Variants in KCNQ5 observed in about 807,000 individuals in gnomAD.
KCNQ5 encodes potassium voltage-gated channel subfamily KQT member 5.
In KCNQ5, 30 loss-of-function variants were observed where a neutral mutation model predicts 98.2. The ratio of observed to expected loss-of-function variants is 0.31; its 90% CI spans 0.23 to 0.41. The LOEUF (loss-of-function observed/expected upper bound fraction) is 0.41, where lower values mean the gene tolerates loss of function less well. Ranked by LOEUF, KCNQ5 falls within the 10% of genes least tolerant of loss-of-function variation. The pLI is 1.00. For synonymous variants in KCNQ5, 458 were observed against 449.4 expected (o/e 1.02, Z -0.24); for missense variants, 835 against 1,182.5 (o/e 0.71, Z 4.31).
chr6:73,107,421 G>T (rs1289669218), intron 6 of KCNQ5, among the ~76,000 whole-genome samples: 1 of 152,072 alleles, frequency 6.6e-6, no homozygotes, highest in African/African-American at 2.4e-5. Flanking sequence ...AGAAAGAAAT[G>T]GTAAAAGACT....
At position 72,678,652 on chromosome 6, in the gene KCNQ5, C is replaced by T. The variant is rs925068126; in HGVS notation, c.398+56065C>T. On this transcript the variant is annotated intron_variant, in intron 1 of 13. Coordinates refer to ENST00000370398, the MANE Select transcript of KCNQ5 (RefSeq NM_019842.4). ...GTTGCTAGAATACCATAATATAAAA[C>T]TTGGCATTTTCTCAATAAATGTGTA... 6.1e-4 allele frequency: 92 copies of T among 152,054 alleles called. 1 individual carries two copies. Among genetic ancestry groups the T allele is most frequent in the Admixed American group, 3.9e-3 (59 of 15,280 alleles). The allele number at this position is 152,054 out of a possible 1,614,324, so 9.4% of individuals were successfully genotyped here.
chr6:72,952,036 A>G (rs1232310556), intron 1 of KCNQ5, among the ~76,000 whole-genome samples: 1 of 152,224 alleles, frequency 6.6e-6, no homozygotes, highest in Non-Finnish European at 1.5e-5. Context: ...ATTACTTAAG[A>G]GCAATTGTGC....
intron 1 of KCNQ5, among the ~76,000 whole-genome samples, chr6:72,840,688 A>G (rs1776748497): frequency 6.6e-6 from 1 of 152,232 alleles, no homozygotes; most frequent in Non-Finnish European, 1.5e-5. Context: ...TTACTCTTCA[A>G]GATTACAAAT....
At chr6:73,112,350 G>GTTT (rs778086861) in intron 7 of KCNQ5, among the ~76,000 whole-genome samples, 1 of 143,602 alleles carries the variant, frequency 7.0e-6, no homozygotes, top group Non-Finnish European at 1.5e-5. Context: ...TGTTTGTTTT[G>GTTT]TTTTTTTTTT....
chr6:72,942,520 G>T (rs1038168821), intron 1 of KCNQ5, among the ~76,000 whole-genome samples: 6 of 152,066 alleles, frequency 3.9e-5, no homozygotes, highest in African/African-American at 1.4e-4. Context: ...ACAGATAAAA[G>T]AATTAAAGAA....
chr6:72,805,291 A>G (rs1774894529), intron 1 of KCNQ5, among the ~76,000 whole-genome samples: 1 of 152,052 alleles, frequency 6.6e-6, no homozygotes. Flanking sequence ...GTAGTTTCAT[A>G]GTTTGGGGTC....
Position 73,138,353 on chromosome 6 carries a change from G to T in KCNQ5, c.1468+4712G>T, listed in dbSNP as rs1044844738. Among the ~76,000 whole-genome samples, 6 of 152,324 alleles carry T rather than the reference G, an allele frequency of 3.9e-5. 1 individual carries two copies. On this transcript the variant is annotated intron_variant, in intron 10 of 13. Transcript: ENST00000370398. ...CTAGGAGAAAATCTTCGGATTTCTG[G>T]TGACTAGTTTGCTACGAAGGAGTCC...
chr6:72,881,267 C>T (rs1055182305), intron 1 of KCNQ5, among the ~76,000 whole-genome samples: 6 of 152,184 alleles, frequency 3.9e-5, no homozygotes, highest in South Asian at 2.1e-4. Context: ...ATCCAAGCTG[C>T]AGGTTCAATC....
At chr6:73,077,967 T>A (rs897778707) in intron 5 of KCNQ5, 80 bp downstream of exon 5, 10 of 1,143,154 alleles carry the variant, frequency 8.7e-6, no homozygotes, top group African/African-American at 1.6e-5. Flanking sequence ...TTCCTATGGA[T>A]GGTTTCAATA....
At chr6:73,042,707 G>A (rs950471738) in intron 3 of KCNQ5, among the ~76,000 whole-genome samples, 2 of 152,122 alleles carry the variant, frequency 1.3e-5, no homozygotes, top group Non-Finnish European at 2.9e-5. Context: ...CTCCCTAGCT[G>A]CCATTGTTTC....
intron 1 of KCNQ5, among the ~76,000 whole-genome samples, chr6:72,882,318 G>A (rs775411383): frequency 5.9e-5 from 9 of 152,184 alleles, no homozygotes; most frequent in African/African-American, 9.6e-5. Flanking sequence ...TACAAAGAGA[G>A]CATCATGTTA....
intron 1 of KCNQ5, among the ~76,000 whole-genome samples, chr6:72,651,239 T>G (rs1239067048): frequency 6.6e-6 from 1 of 152,052 alleles, no homozygotes; most frequent in Non-Finnish European, 1.5e-5. Context: ...TTTTCCCTAG[T>G]GCCTAACAGG....
intron 13 of KCNQ5, among the ~76,000 whole-genome samples, chr6:73,193,464 AAAAAT>A (rs397976608): frequency 0.021 from 2,644 of 126,706 alleles, 56 homozygotes; most frequent in African/African-American, 0.07. Context: ...TGTCTCTACT[AAAAAT>A]AAAATAAAAT....
At chr6:73,028,251 G>A (rs1390431185) in intron 2 of KCNQ5, among the ~76,000 whole-genome samples, 7 of 152,194 alleles carry the variant, frequency 4.6e-5, no homozygotes, top group Admixed American at 6.5e-5. Flanking sequence ...AAGACGGTGT[G>A]AACAACACAG....
At chr6:72,679,228 T>C (rs1228597287) in intron 1 of KCNQ5, among the ~76,000 whole-genome samples, 1 of 152,170 alleles carries the variant, frequency 6.6e-6, no homozygotes, top group African/African-American at 2.4e-5. Context: ...ACAGGGTATA[T>C]ACCCAAAGGA....
At chr6:72,757,393 G>C (rs1772026776) in intron 1 of KCNQ5, among the ~76,000 whole-genome samples, 1 of 152,148 alleles carries the variant, frequency 6.6e-6, no homozygotes, top group South Asian at 2.1e-4. Flanking sequence ...GTTATGTCCA[G>C]ATAAAGTCAT....
At chr6:72,688,739 G>A (rs886795891) in intron 1 of KCNQ5, among the ~76,000 whole-genome samples, 6 of 151,904 alleles carry the variant, frequency 3.9e-5, no homozygotes, top group South Asian at 2.1e-4. Context: ...AAATTGCATC[G>A]TATTTATCTA....
At chr6:72,872,532 A>T (rs984661343) in intron 1 of KCNQ5, among the ~76,000 whole-genome samples, 3 of 152,132 alleles carry the variant, frequency 2.0e-5, no homozygotes, top group African/African-American at 7.2e-5. Flanking sequence ...CTTTACATGG[A>T]TTATTTCATT....
intron 5 of KCNQ5, among the ~76,000 whole-genome samples, chr6:73,088,413 C>A (rs1272611773): frequency 1.3e-5 from 2 of 152,158 alleles, no homozygotes; most frequent in African/African-American, 4.8e-5. Flanking sequence ...ATTTATATAA[C>A]CCTTTCCCGA....
Sources: gnomAD v4.1 joint callset for allele counts (sites outside exome capture counted in the v4.1 genomes callset) on GRCh38, gnomAD v4.1.1 for gene constraint, MANE v1.5 for transcripts, NCBI Gene and HGNC (gene_info 2026-07-23, HGNC 2026-07-21) for gene names.